DEPDC1B: variants seen among roughly 807,000 people sequenced by gnomAD.
DEPDC1B encodes DEP domain-containing protein 1B.
Under a neutral mutation model 66.5 loss-of-function variants are expected in DEPDC1B, and 51 were observed. That is an observed-to-expected ratio of 0.77 (90% CI 0.61 to 0.97). The LOEUF (loss-of-function observed/expected upper bound fraction) is 0.97. Ranked by LOEUF, DEPDC1B falls within the 50% of genes least tolerant of loss-of-function variation. The pLI is 0.00. For missense variants in DEPDC1B, 552 were observed against 637.1 expected (o/e 0.87, Z 1.44); for synonymous variants, 226 against 223.6 (o/e 1.01, Z -0.10).
chr5:60,617,161 C>T (rs1271660209), intron 7 of DEPDC1B, among the ~76,000 whole-genome samples: 2 of 152,206 alleles, frequency 1.3e-5, no homozygotes, highest in Non-Finnish European at 2.9e-5. Flanking sequence ...AAGGAACATA[C>T]GGTACCAGCC....
intron 7 of DEPDC1B, among the ~76,000 whole-genome samples, chr5:60,608,877 G>C (rs144658255): frequency 7.2e-5 from 11 of 152,278 alleles, no homozygotes; most frequent in African/African-American, 2.6e-4. Flanking sequence ...GGGAGGCCAA[G>C]ATGGAAGGAT....
intron 7 of DEPDC1B, among the ~76,000 whole-genome samples, chr5:60,625,554 T>C (rs1365264835): frequency 1.3e-5 from 2 of 152,184 alleles, no homozygotes; most frequent in African/African-American, 2.4e-5. Context: ...ATAAGTACTT[T>C]CAAGTATTCT....
chr5:60,669,878 A>G (rs553709752), intron 2 of DEPDC1B, among the ~76,000 whole-genome samples: 4 of 152,264 alleles, frequency 2.6e-5, no homozygotes, highest in Admixed American at 1.3e-4. Flanking sequence ...TTTGCAACAG[A>G]AAAAAATCTA....
chr5:60,624,886 C>T (rs998931283), intron 7 of DEPDC1B, among the ~76,000 whole-genome samples: 3 of 151,730 alleles, frequency 2.0e-5, no homozygotes, highest in Admixed American at 6.6e-5. Flanking sequence ...TAATGCTATC[C>T]CTCCCCCTGC....
At chr5:60,616,932 T>A (rs536480687) in intron 7 of DEPDC1B, among the ~76,000 whole-genome samples, 2 of 152,276 alleles carry the variant, frequency 1.3e-5, no homozygotes, top group South Asian at 4.1e-4. Context: ...GACTAACAGC[T>A]GATCTCTCGG....
At chr5:60,633,885 A>C (rs1435209235) in intron 7 of DEPDC1B, among the ~76,000 whole-genome samples, 1 of 152,212 alleles carries the variant, frequency 6.6e-6, no homozygotes, top group African/African-American at 2.4e-5. Flanking sequence ...ATTTGAAACT[A>C]TGCCTCAGAA....
chr5:60,666,705 G>A (rs1753849074), intron 2 of DEPDC1B, among the ~76,000 whole-genome samples: 1 of 152,138 alleles, frequency 6.6e-6, no homozygotes, highest in Non-Finnish European at 1.5e-5. Context: ...AGGGTCCTTG[G>A]TTGTAGTTTT....
intron 2 of DEPDC1B, among the ~76,000 whole-genome samples, chr5:60,653,095 T>C (rs1753493266): frequency 6.7e-6 from 1 of 149,408 alleles, no homozygotes; most frequent in Admixed American, 6.6e-5. Context: ...CTTTTTCGTA[T>C]AATGACTTCC....
chr5:60,603,087 A>G (rs113360041), intron 9 of DEPDC1B, among the ~76,000 whole-genome samples: 36 of 152,224 alleles, frequency 2.4e-4, no homozygotes, highest in African/African-American at 8.2e-4. Context: ...GAATCAAGAC[A>G]CTTACTGCAC....
chr5:60,680,260 G>C (rs1171787324), intron 2 of DEPDC1B, among the ~76,000 whole-genome samples: 5 of 152,266 alleles, frequency 3.3e-5, no homozygotes, highest in African/African-American at 1.2e-4. Flanking sequence ...TCTAGTAATT[G>C]CTGTTGGTTA....
In DEPDC1B at chr5:60,692,351, T is replaced by G. The variant is rs547998376; in HGVS notation, c.49-5124A>C. On this transcript the variant is annotated intron_variant, in intron 1 of 10. Coordinates refer to ENST00000265036, the MANE Select transcript of DEPDC1B (RefSeq NM_018369.3). ...TGTACAACAAAAAAATGTTAAGTAT[T>G]TGAGGTGATGGATATGGTAATTAGC... Among the ~76,000 whole-genome samples the G allele has an allele frequency of 3.3e-5, 5 of 152,294 alleles. No homozygotes were observed. In the South Asian group the frequency reaches 1.0e-3, roughly 32 times the overall value.
At chr5:60,618,126 C>T in intron 7 of DEPDC1B, among the ~76,000 whole-genome samples, 1 of 152,174 alleles carries the variant, frequency 6.6e-6, no homozygotes. Context: ...ATCTCTGGGA[C>T]ACATTCAAAG....
At chr5:60,688,107 G>C (rs1037783705) in intron 1 of DEPDC1B, among the ~76,000 whole-genome samples, 3 of 152,078 alleles carry the variant, frequency 2.0e-5, no homozygotes, top group Non-Finnish European at 2.9e-5. Context: ...CATTGTAGGA[G>C]GAGGAGGAAA....
At chr5:60,672,383 G>A (rs780398176) in intron 2 of DEPDC1B, among the ~76,000 whole-genome samples, 39 of 152,132 alleles carry the variant, frequency 2.6e-4, no homozygotes, top group Non-Finnish European at 4.1e-4. Context: ...GGGAGGCCTC[G>A]GGAAACTTAA....
intron 7 of DEPDC1B, among the ~76,000 whole-genome samples, chr5:60,615,835 G>C (rs964631838): frequency 6.6e-6 from 1 of 152,366 alleles, no homozygotes; most frequent in Non-Finnish European, 1.5e-5. Flanking sequence ...AGAATGGACA[G>C]ACTGCCTCCT....
At chr5:60,622,768 T>C (rs1268582106) in intron 7 of DEPDC1B, among the ~76,000 whole-genome samples, 1 of 152,228 alleles carries the variant, frequency 6.6e-6, no homozygotes, top group Non-Finnish European at 1.5e-5. Flanking sequence ...TTAATCTGCA[T>C]TTCCTGTATG....
rs1229279525 is a variant in DEPDC1B, at chr5:60,667,914, A to AAAAATGGATATTTTATATATATAT, written c.314+19024_314+19047dup. ...AAAAAATGGATATTTTATATATATA[A>AAAAATGGATATTTTATATATATAT]AAAATGGATATTTTATATATATATA... On this transcript the variant is annotated intron_variant, in intron 2 of 10. Transcript: ENST00000265036. Among the ~76,000 whole-genome samples, 63 of 88,918 alleles carry AAAAATGGATATTTTATATATATAT rather than the reference A, an allele frequency of 7.1e-4. 8 individuals are homozygous for AAAAATGGATATTTTATATATATAT. Among genetic ancestry groups the AAAAATGGATATTTTATATATATAT allele is most frequent in the South Asian group, 6.2e-3 (19 of 3,064 alleles). 58.3% of individuals were successfully genotyped at this position (88,918 alleles called of 152,430 possible). A position where few individuals can be genotyped will look rare whatever the true frequency, so the allele number is the denominator to read the frequency against.
chr5:60,641,211 G>A (rs1210813006), intron 6 of DEPDC1B, among the ~76,000 whole-genome samples: 1 of 151,938 alleles, frequency 6.6e-6, no homozygotes, highest in Admixed American at 6.6e-5. Flanking sequence ...GCTGCTTGAG[G>A]GAAAATTATG....
Position 60,645,596 on chromosome 5 carries a change from A to C in DEPDC1B, c.474T>G (p.Arg158=), listed in dbSNP as rs1753295455. The change falls in exon 4 of 11, where the codon CGT becomes CGG. Residue 158 remains arginine (R), a synonymous_variant. Coordinates refer to ENST00000265036, the MANE Select transcript of DEPDC1B (RefSeq NM_018369.3). ...VVMNSEMWYK[R]HSIAIGEVPA... is the part of the protein sequence containing the mutation. Reference sequence around the variant, plus strand: ...GCACCTCTCCAATTGCAATACTGTGACGCTTGTACCACATCTCAGAATTCT... The same window carrying C: ...GCACCTCTCCAATTGCAATACTGTGCCGCTTGTACCACATCTCAGAATTCT... The C allele has an allele frequency of 6.2e-7, 1 of 1,611,878 alleles. No homozygotes were observed. Among genetic ancestry groups the C allele is most frequent in the Non-Finnish European group, 8.5e-7 (1 of 1,179,072 alleles).
Sources: allele counts gnomAD v4.1 joint callset (sites outside exome capture counted in the v4.1 genomes callset), GRCh38; gene constraint gnomAD v4.1.1; transcripts MANE v1.5; gene names NCBI Gene and HGNC (gene_info 2026-07-23, HGNC 2026-07-21).